Variants in ARHGAP10 observed in about 807,000 individuals in gnomAD.
ARHGAP10 encodes Rho GTPase activating protein 10, also known as rho GTPase-activating protein 10.
A neutral mutation model predicts 108.6 loss-of-function variants in ARHGAP10; 87 were observed. That is an observed-to-expected ratio of 0.80 (90% CI 0.67 to 0.96). The LOEUF is 0.96. ARHGAP10 is among the 40% of genes least tolerant of loss of function. ARHGAP10 has a pLI of 0.00. For missense variants in ARHGAP10, 939 were observed against 954.5 expected, an observed-to-expected ratio of 0.98 and a Z score of 0.21; for synonymous variants, 347 against 341.1, an observed-to-expected ratio of 1.02 and a Z score of -0.19.
At chr4:147,950,170 C>T (rs538540309) in intron 15 of ARHGAP10, among the ~76,000 whole-genome samples, 1 of 152,154 alleles carries the variant, frequency 6.6e-6, no homozygotes, top group Non-Finnish European at 1.5e-5. Context: ...TGGCAGATGC[C>T]TTGGGAGATT....
chr4:148,048,255 G>A (rs1010454526), intron 20 of ARHGAP10, among the ~76,000 whole-genome samples: 2 of 152,198 alleles, frequency 1.3e-5, no homozygotes, highest in Non-Finnish European at 1.5e-5. Flanking sequence ...CTCAGATTAC[G>A]TGGCTTTTTA....
At chr4:147,915,472 T>G (rs1458952977) in intron 13 of ARHGAP10, among the ~76,000 whole-genome samples, 3 of 152,240 alleles carry the variant, frequency 2.0e-5, no homozygotes, top group Admixed American at 2.0e-4. Flanking sequence ...AAGGGCATGT[T>G]TTATACATAC....
intron 19 of ARHGAP10, among the ~76,000 whole-genome samples, chr4:148,029,994 TCCC>T (rs369537451): frequency 7.2e-6 from 1 of 138,380 alleles, no homozygotes; most frequent in African/African-American, 2.7e-5. Context: ...AGGCTCAGCA[TCCC>T]CCCCCCCACC....
At chr4:147,766,948 A>G (rs1421541617) in intron 1 of ARHGAP10, among the ~76,000 whole-genome samples, 1 of 151,184 alleles carries the variant, frequency 6.6e-6, no homozygotes, top group African/African-American at 2.4e-5. Flanking sequence ...TCCCAGATTC[A>G]AGCGATTCTC....
chr4:147,959,742 C>T (rs1382568009), intron 16 of ARHGAP10, among the ~76,000 whole-genome samples: 2 of 152,118 alleles, frequency 1.3e-5, no homozygotes, highest in East Asian at 1.9e-4. Context: ...GTGTATGTGC[C>T]ACATATTCTT....
chr4:148,058,925 C>G (rs1214139741), intron 20 of ARHGAP10, among the ~76,000 whole-genome samples: 1 of 152,178 alleles, frequency 6.6e-6, no homozygotes, highest in Non-Finnish European at 1.5e-5. Context: ...CATATTCTTT[C>G]CCTGCTTACT....
intron 12 of ARHGAP10, among the ~76,000 whole-genome samples, chr4:147,912,027 G>A (rs1441472478): frequency 6.2e-5 from 9 of 144,944 alleles, no homozygotes; most frequent in African/African-American, 1.2e-4. Context: ...GTGTGTGTGT[G>A]TGTGTGTGTG....
intron 3 of ARHGAP10, 92 bp downstream of exon 3, chr4:147,823,049 A>G: frequency 7.7e-7 from 1 of 1,296,700 alleles, no homozygotes; most frequent in Non-Finnish European, 1.1e-6. Flanking sequence ...GTTGTGAAGC[A>G]TTTATCCCTG....
At chr4:147,865,187 A>G (rs928044504) in intron 6 of ARHGAP10, 1 of 384,958 alleles carries the variant, frequency 2.6e-6, no homozygotes, top group Non-Finnish European at 4.7e-6. Context: ...CCATTGCTAC[A>G]TGATCTCAAG....
At chr4:148,059,548 A>G (rs1729510003) in intron 20 of ARHGAP10, among the ~76,000 whole-genome samples, 1 of 152,142 alleles carries the variant, frequency 6.6e-6, no homozygotes, top group African/African-American at 2.4e-5. Context: ...GCACATAATG[A>G]GCTTTTAATT....
At chr4:147,985,687 C>G (rs898357382) in intron 18 of ARHGAP10, among the ~76,000 whole-genome samples, 2 of 152,216 alleles carry the variant, frequency 1.3e-5, no homozygotes, top group African/African-American at 2.4e-5. Flanking sequence ...GAATGACTGC[C>G]TTGTTTGAGC....
chr4:147,910,313 T>A (rs1736680840), intron 12 of ARHGAP10, among the ~76,000 whole-genome samples: 1 of 151,948 alleles, frequency 6.6e-6, no homozygotes, highest in African/African-American at 2.4e-5. Context: ...GTGAGTCACC[T>A]TGCCTGGCCT....
chr4:147,918,130 A>C (rs1211977455), intron 13 of ARHGAP10, among the ~76,000 whole-genome samples: 1 of 141,296 alleles, frequency 7.1e-6, no homozygotes, highest in African/African-American at 3.0e-5. Context: ...AACTCTCATT[A>C]AGATTTTTTT....
chr4:148,021,061 A>G (rs1048996220), intron 18 of ARHGAP10, among the ~76,000 whole-genome samples: 1 of 152,202 alleles, frequency 6.6e-6, no homozygotes, highest in African/African-American at 2.4e-5. Context: ...AAGAAAACAA[A>G]ACAGACTCCA....
chr4:147,934,072 G>A (rs1737824340), intron 13 of ARHGAP10, among the ~76,000 whole-genome samples: 1 of 152,242 alleles, frequency 6.6e-6, no homozygotes, highest in South Asian at 2.1e-4. Flanking sequence ...GAGGGGCCCT[G>A]GAGCCAAGCC....
intron 4 of ARHGAP10, among the ~76,000 whole-genome samples, chr4:147,856,456 C>G (rs928720655): frequency 6.6e-6 from 1 of 152,188 alleles, no homozygotes; most frequent in East Asian, 1.9e-4. Flanking sequence ...AATCTGAAAT[C>G]CGATATGCTC....
At position 147,866,962 on chromosome 4, in the gene ARHGAP10, C is replaced by G. The variant is rs1171887894; in HGVS notation, c.702+146C>G. On this transcript the variant is annotated intron_variant, in intron 7 of 22. Coordinates refer to ENST00000336498, the MANE Select transcript of ARHGAP10 (RefSeq NM_024605.4). ...GGGTATGCTGCCACCTGCTGGTCAA[C>G]TCTTGGTGTGACCAACTGCTCTACA... The G allele has an allele frequency of 5.8e-6, 4 of 690,916 alleles. No homozygotes were observed. In the Admixed American group the frequency reaches 9.4e-5, roughly 16 times the overall value. 42.8% of individuals were successfully genotyped at this position (690,916 alleles called of 1,614,324 possible). A position where few individuals can be genotyped will look rare whatever the true frequency, so the allele number is the denominator to read the frequency against.
At chr4:147,911,128 G>GACA (rs1736713149) in intron 12 of ARHGAP10, among the ~76,000 whole-genome samples, 1 of 152,004 alleles carries the variant, frequency 6.6e-6, no homozygotes, top group East Asian at 1.9e-4. Context: ...TAGAAAACAC[G>GACA]GTTTTGCTAA....
rs1189599859 is a variant in ARHGAP10, at chr4:147,798,870, G to A, written c.155-23857G>A. On this transcript the variant is annotated intron_variant, in intron 1 of 22. Coordinates refer to ENST00000336498, the MANE Select transcript of ARHGAP10 (RefSeq NM_024605.4). The stretch of plus-strand genomic sequence containing the variant: ...ATGTGCTACTTCCTTTAGTCTCCAT[G>A]GTTTCAGATGGGAAATCCATTGTTC... Among the ~76,000 whole-genome samples the A allele has an allele frequency of 2.7e-5, 4 of 147,880 alleles. No individual in the cohort carries two copies. The South Asian group carries it at 6.3e-4, about 23-fold the overall frequency.
Sources: gnomAD v4.1 joint callset for allele counts (sites outside exome capture counted in the v4.1 genomes callset) on GRCh38, gnomAD v4.1.1 for gene constraint, MANE v1.5 for transcripts, NCBI Gene and HGNC (gene_info 2026-07-23, HGNC 2026-07-21) for gene names.